CHD6: variants seen among roughly 807,000 people sequenced by gnomAD.
CHD6 encodes the protein ATP-dependent chromatin remodeler CHD6.
In CHD6, 50 loss-of-function variants were observed where a neutral mutation model predicts 276.9. The ratio of observed to expected loss-of-function variants is 0.18; its 90% confidence interval spans 0.14 to 0.23. The LOEUF (loss-of-function observed/expected upper bound fraction) is 0.23, where lower values mean the gene tolerates loss of function less well. Among genes scored for constraint, CHD6 ranks in the 10% least tolerant of loss-of-function variants. The pLI, the probability that CHD6 is intolerant of heterozygous loss-of-function variation, is 1.00. For synonymous variants in CHD6, 1,173 were observed against 1,229.3 expected (o/e 0.95, Z 0.96); for missense variants, 2,564 against 3,365.8 (o/e 0.76, Z 5.89).
chr20:41,577,733 A>G (rs191687857), intron 1 of CHD6, among the ~76,000 whole-genome samples: 20 of 152,356 alleles, frequency 1.3e-4, no homozygotes, highest in Middle Eastern at 3.4e-3. Context: ...GTGGGTCAGT[A>G]CACTTCAGTT....
chr20:41,534,848 TACC>T (rs2044790530), intron 2 of CHD6, among the ~76,000 whole-genome samples: 1 of 152,182 alleles, frequency 6.6e-6, no homozygotes, highest in South Asian at 2.1e-4. Flanking sequence ...CATATGCTTT[TACC>T]ACAATTTTAA....
intron 25 of CHD6, among the ~76,000 whole-genome samples, chr20:41,444,122 G>C (rs1214711494): frequency 6.6e-6 from 1 of 152,128 alleles, no homozygotes; most frequent in Non-Finnish European, 1.5e-5. Flanking sequence ...AGATGCTCTG[G>C]AATCTGGCTG....
chr20:41,417,752 C>T (rs920577363), intron 31 of CHD6, among the ~76,000 whole-genome samples: 3 of 152,118 alleles, frequency 2.0e-5, no homozygotes, highest in South Asian at 2.1e-4. Context: ...AAATGTAACA[C>T]GGCAAGACGG....
chr20:41,446,311 C>T (rs537136775), intron 24 of CHD6, among the ~76,000 whole-genome samples: 2 of 152,328 alleles, frequency 1.3e-5, no homozygotes, highest in South Asian at 4.1e-4. Flanking sequence ...AGTGCCATAA[C>T]AGGTGGCACC....
rs112996033 is a variant in CHD6, at chr20:41,457,596, C to G, written c.2665-168G>C. 3.9e-3 allele frequency among the ~76,000 whole-genome samples: 591 copies of G among 152,298 alleles called. 3 individuals carry two copies. Among genetic ancestry groups the G allele is most frequent in the Non-Finnish European group, 6.7e-3 (456 of 68,030 alleles). ...TTTATACCCAAAGGTTGGCTGCCACCCTCCGTGGCCACTCATTTCTTCTCC... is the reference window on the plus strand; with the variant it reads ...TTTATACCCAAAGGTTGGCTGCCACGCTCCGTGGCCACTCATTTCTTCTCC... On this transcript the variant is annotated intron_variant, in intron 17 of 36. Coordinates refer to ENST00000373233, the MANE Select transcript of CHD6 (RefSeq NM_032221.5).
At chr20:41,544,426 T>C (rs1568691874) in intron 2 of CHD6, among the ~76,000 whole-genome samples, 2 of 152,136 alleles carry the variant, frequency 1.3e-5, no homozygotes, top group Non-Finnish European at 2.9e-5. Flanking sequence ...CCATTAGTTG[T>C]TTTTAAGTAG....
chr20:41,494,904 T>C (rs1238706432), intron 8 of CHD6, among the ~76,000 whole-genome samples: 5 of 152,210 alleles, frequency 3.3e-5, no homozygotes, highest in Non-Finnish European at 5.9e-5. Context: ...CATCATGATC[T>C]TTATCATTAG....
intron 25 of CHD6, 136 bp downstream of exon 25, chr20:41,445,529 G>A: frequency 3.3e-6 from 2 of 609,148 alleles, no homozygotes; most frequent in Admixed American, 2.7e-5. Flanking sequence ...CAGCTGTGAA[G>A]CTCTACTTTT....
chr20:41,434,228 A>G lies in CHD6; in HGVS notation c.4068+3046T>C, dbSNP rs574482133. Among the ~76,000 whole-genome samples the G allele has an allele frequency of 8.1e-4, 124 of 152,326 alleles. 1 individual carries two copies. Among genetic ancestry groups the G allele is most frequent in the Non-Finnish European group, 1.6e-3 (108 of 68,028 alleles). ...TTAAAAGTAAAATAATAAAAAAGTT[A>G]TATTTATGCAAACATTAATCAAGGG... On this transcript the variant is annotated intron_variant, in intron 27 of 36. Coordinates refer to ENST00000373233, the MANE Select transcript of CHD6 (RefSeq NM_032221.5).
chr20:41,507,821 T>C (rs1209253078), intron 5 of CHD6, among the ~76,000 whole-genome samples: 1 of 152,174 alleles, frequency 6.6e-6, no homozygotes, highest in Non-Finnish European at 1.5e-5. Context: ...TTTAACCCTA[T>C]TTACCTTCAA....
intron 27 of CHD6, among the ~76,000 whole-genome samples, chr20:41,431,776 C>CATTTTTTTTTT (rs2047544254): frequency 9.5e-6 from 1 of 104,762 alleles, no homozygotes; most frequent in Non-Finnish European, 2.0e-5. Context: ...AAAAAACATG[C>CATTTTTTTTTT]TTTTTTTTTT....
intron 17 of CHD6, among the ~76,000 whole-genome samples, chr20:41,462,925 C>T (rs1428000630): frequency 6.6e-6 from 1 of 152,126 alleles, no homozygotes; most frequent in East Asian, 1.9e-4. Flanking sequence ...AAAACCATTA[C>T]CTATACAACA....
intron 3 of CHD6, among the ~76,000 whole-genome samples, chr20:41,526,226 A>G (rs2044532190): frequency 6.6e-6 from 1 of 152,050 alleles, no homozygotes; most frequent in South Asian, 2.1e-4. Flanking sequence ...TACCATTTAG[A>G]TTTCTTCCCT....
intron 2 of CHD6, among the ~76,000 whole-genome samples, chr20:41,548,425 T>C (rs984478535): frequency 6.6e-6 from 1 of 152,160 alleles, no homozygotes; most frequent in African/African-American, 2.4e-5. Context: ...TTCATTTTGG[T>C]GGAATCACTA....
chr20:41,593,401 C>T (rs1313616884), intron 1 of CHD6, among the ~76,000 whole-genome samples: 1 of 152,174 alleles, frequency 6.6e-6, no homozygotes, highest in Admixed American at 6.5e-5. Context: ...TACCCAAAGG[C>T]TTTCTGTATG....
intron 31 of CHD6, 107 bp from the exon 32 acceptor site, chr20:41,417,456 C>A: frequency 1.1e-6 from 1 of 914,002 alleles, no homozygotes; most frequent in South Asian, 1.9e-5. Context: ...TAAATTAGCT[C>A]ATTCTGTGCT....
chr20:41,526,615 G>A (rs1047986459), intron 3 of CHD6, among the ~76,000 whole-genome samples: 4 of 152,000 alleles, frequency 2.6e-5, no homozygotes, highest in Non-Finnish European at 4.4e-5. Flanking sequence ...AGATGAAAGC[G>A]AAAAAAGGTA....
At chr20:41,445,599 G>T in intron 25 of CHD6, 66 bp downstream of exon 25, 1 of 975,000 alleles carries the variant, frequency 1.0e-6, no homozygotes. Context: ...CTTAGTTGGA[G>T]GGGCTGAACT....
At chr20:41,532,274 C>A (rs1194492305) in intron 3 of CHD6, among the ~76,000 whole-genome samples, 1 of 152,162 alleles carries the variant, frequency 6.6e-6, no homozygotes, top group Non-Finnish European at 1.5e-5. Flanking sequence ...GTCAATGTGT[C>A]AAGCACTGTG....
Sources: gnomAD v4.1 joint callset for allele counts (sites outside exome capture counted in the v4.1 genomes callset) on GRCh38, gnomAD v4.1.1 for gene constraint, MANE v1.5 for transcripts, NCBI Gene and HGNC (gene_info 2026-07-23, HGNC 2026-07-21) for gene names.